CUBN: variants seen among roughly 807,000 people sequenced by gnomAD.
CUBN encodes 460 kDa receptor.
Under a neutral mutation model 405.3 loss-of-function variants are expected in CUBN, and 282 were observed. That is an observed-to-expected ratio of 0.70 (90% CI 0.63 to 0.77). The LOEUF (loss-of-function observed/expected upper bound fraction) is 0.77, where lower values mean the gene tolerates loss of function less well. Ranked by LOEUF, CUBN falls within the 30% of genes least tolerant of loss-of-function variation. The pLI is 0.00. For synonymous variants in CUBN, 1,684 were observed against 1,617.0 expected (o/e 1.04, Z -0.99); for missense variants, 4,514 against 4,475.2 (o/e 1.01, Z -0.25).
chr10:17,051,747 T>C (rs1835273335), intron 22 of CUBN, among the ~76,000 whole-genome samples: 1 of 151,010 alleles, frequency 6.6e-6, no homozygotes, highest in African/African-American at 2.4e-5. Flanking sequence ...TAATTTAATC[T>C]AAAGAACAAA....
chr10:16,930,844 A>G (rs776544030), intron 40 of CUBN, among the ~76,000 whole-genome samples: 4 of 152,238 alleles, frequency 2.6e-5, no homozygotes, highest in Non-Finnish European at 5.9e-5. Flanking sequence ...AATAGCCTAT[A>G]AGTATCTTTG....
Position 16,904,000 on chromosome 10 carries a change from T to C in CUBN, c.8028A>G (p.Glu2676=). The C allele has an allele frequency of 6.2e-7, 1 of 1,613,092 alleles. No homozygotes were observed. The highest frequency in any genetic ancestry group is 8.5e-7 in the Non-Finnish European group (1 of 1,179,116). The change falls in exon 51 of 67, where the codon GAA becomes GAG. Residue 2676 remains glutamate, a synonymous_variant. Transcript: ENST00000377833. ...AATACTTTGCATGGAATCCAATGTG[T>C]TCTACACGTTCGTTGGTGACAAAGT... The part of the protein sequence containing the change: ...WIHFVTNERV[E]HIGFHAKYSF...
chr10:17,125,162 G>A (rs1837146532), intron 4 of CUBN, among the ~76,000 whole-genome samples: 1 of 151,920 alleles, frequency 6.6e-6, no homozygotes, highest in South Asian at 2.1e-4. Context: ...GTTAAAATAG[G>A]GGCAAACTGT....
intron 56 of CUBN, among the ~76,000 whole-genome samples, chr10:16,878,971 G>A (rs1235828481): frequency 6.6e-6 from 1 of 152,204 alleles, no homozygotes; most frequent in Non-Finnish European, 1.5e-5. Flanking sequence ...TCAGTTGACA[G>A]ACATTTGGTT....
At chr10:16,825,812 T>C (rs1838760130) in intron 66 of CUBN, among the ~76,000 whole-genome samples, 1 of 152,148 alleles carries the variant, frequency 6.6e-6, no homozygotes, top group Non-Finnish European at 1.5e-5. Flanking sequence ...GCTCTCATGA[T>C]GCTTACATGA....
At chr10:16,825,176 A>G (rs1430568294) in intron 66 of CUBN, 94 bp from the exon 67 acceptor site, 4 of 830,026 alleles carry the variant, frequency 4.8e-6, no homozygotes, top group African/African-American at 1.7e-5. Context: ...CCACATAAAG[A>G]AACTTTATAG....
chr10:16,865,937 C>A (rs1400046786), intron 59 of CUBN, among the ~76,000 whole-genome samples: 1 of 152,076 alleles, frequency 6.6e-6, no homozygotes, highest in African/African-American at 2.4e-5. Flanking sequence ...TCAGTGAGAC[C>A]ACAAACCCAC....
At chr10:16,848,690 CTTTTTT>C (rs10562297) in intron 60 of CUBN, among the ~76,000 whole-genome samples, 3 of 53,338 alleles carry the variant, frequency 5.6e-5, no homozygotes, top group African/African-American at 1.2e-4. Flanking sequence ...CTCTCCCAGC[CTTTTTT>C]TTTTTTTTTT....
intron 17 of CUBN, among the ~76,000 whole-genome samples, chr10:17,072,377 GA>G (rs961807068): frequency 6.6e-6 from 1 of 151,504 alleles, no homozygotes; most frequent in Non-Finnish European, 1.5e-5. Context: ...AAGAAAAAAG[GA>G]AAAAAAAGAA....
chr10:16,831,118 T>C (rs1838977361), intron 65 of CUBN, 134 bp downstream of exon 65: 1 of 811,042 alleles, frequency 1.2e-6, no homozygotes, highest in Non-Finnish European at 2.1e-6. Flanking sequence ...ACTTTCAATG[T>C]TAAAATCTCT....
rs145082516 is a variant in CUBN at position 16,967,971 on chromosome 10, C to T, written c.4696-13423G>A. ...AGGGAAAGAAAGAGGGACAGAAAGA[C>T]AGGGAGAGAGAGAGAGGAAAAGAGA... On this transcript the variant is annotated intron_variant, in intron 31 of 66. Coordinates refer to ENST00000377833, the MANE Select transcript of CUBN (RefSeq NM_001081.4). Among the ~76,000 whole-genome samples, 128 of 115,596 alleles carry T rather than the reference C, an allele frequency of 1.1e-3. 1 individual carries two copies. Among genetic ancestry groups the T allele is most frequent in the Middle Eastern group, 6.0e-3 (1 of 166 alleles). 75.8% of individuals were successfully genotyped at this position (115,596 alleles called of 152,430 possible).
chr10:17,114,520 GCA>G (rs1158387180), intron 7 of CUBN, among the ~76,000 whole-genome samples: 1 of 152,138 alleles, frequency 6.6e-6, no homozygotes, highest in Non-Finnish European at 1.5e-5. Context: ...ACCCATGTAG[GCA>G]CAGACCTTGG....
At chr10:16,986,611 T>TC (rs921314839) in intron 29 of CUBN, among the ~76,000 whole-genome samples, 3 of 151,786 alleles carry the variant, frequency 2.0e-5, no homozygotes. Flanking sequence ...GTTTGTGCAC[T>TC]CCCCCCAAGT....
rs560590166 is a variant in CUBN, at chr10:16,994,322, CAT to C, written c.4169-3809_4169-3808del. On this transcript the variant is annotated intron_variant, in intron 28 of 66. Transcript: ENST00000377833. ...TAGACATAAAAAGTGTTATTGCCCA[CAT>C]GTCTTCTTGCAAGTTATTAAACCCT... 3.3e-3 allele frequency among the ~76,000 whole-genome samples: 503 copies of C among 152,310 alleles called. 2 individuals carry two copies. Among genetic ancestry groups the C allele is most frequent in the African/African-American group, 0.011 (475 of 41,566 alleles).
Position 16,950,146 on chromosome 10 carries a change from A to T in CUBN, c.4970-35T>A, listed in dbSNP as rs747648193. On this transcript the variant is annotated intron_variant, in intron 33 of 66. Transcript: ENST00000377833. ...AAAAGAGAAGACTCTCTCGTAAAGT[A>T]CTGGCAAATAAAACATACAGGGAGA... The T allele has an allele frequency of 3.4e-6, 5 of 1,488,894 alleles. No homozygotes were observed. The East Asian group carries it at 1.1e-4, about 34-fold the overall frequency. The allele number at this position is 1,488,894 out of a possible 1,614,324, so 92.2% of individuals were successfully genotyped here. A position where few individuals can be genotyped will look rare whatever the true frequency, so the allele number is the denominator to read the frequency against.
At chr10:16,957,296 T>C (rs1250997617) in intron 31 of CUBN, among the ~76,000 whole-genome samples, 4 of 152,226 alleles carry the variant, frequency 2.6e-5, no homozygotes, top group Non-Finnish European at 5.9e-5. Flanking sequence ...AATATTTATC[T>C]TTCTGTGCCT....
chr10:16,852,264 CCT>C (rs1230699478), intron 59 of CUBN, among the ~76,000 whole-genome samples: 2 of 137,834 alleles, frequency 1.5e-5, no homozygotes. Context: ...TCTTTCCCTC[CCT>C]CCCTCCATCT....
intron 17 of CUBN, among the ~76,000 whole-genome samples, chr10:17,077,093 T>A (rs541093730): frequency 6.6e-6 from 1 of 152,284 alleles, no homozygotes; most frequent in Admixed American, 6.5e-5. Context: ...TTCATTCTTT[T>A]TAGTGAATCG....
At chr10:16,844,663 G>A (rs1839459460) in intron 60 of CUBN, among the ~76,000 whole-genome samples, 1 of 152,194 alleles carries the variant, frequency 6.6e-6, no homozygotes. Context: ...TTTCTCCTAA[G>A]TGAGTTGAAA....
Sources: allele counts gnomAD v4.1 joint callset (sites outside exome capture counted in the v4.1 genomes callset), GRCh38; gene constraint gnomAD v4.1.1; transcripts MANE v1.5; gene names NCBI Gene and HGNC (gene_info 2026-07-23, HGNC 2026-07-21).